PCDH11X: variants seen among roughly 807,000 people sequenced by gnomAD.
PCDH11X encodes protocadherin-11 X-linked.
A neutral mutation model predicts 53.3 loss-of-function variants in PCDH11X; 18 were observed. That is an observed-to-expected ratio of 0.34 (90% CI 0.23 to 0.50). The LOEUF (loss-of-function observed/expected upper bound fraction) is 0.50, where lower values mean the gene tolerates loss of function less well. PCDH11X is among the 20% of genes least tolerant of loss of function. The pLI is 0.98. For synonymous variants in PCDH11X, 279 were observed against 393.3 expected, an observed-to-expected ratio of 0.71 and a Z score of 3.44; for missense variants, 570 against 1,032.4, an observed-to-expected ratio of 0.55 and a Z score of 6.14.
chrX:92,148,062 CTTT>C (rs2065336057), intron 6 of PCDH11X, among the ~76,000 whole-genome samples: 29 of 7,946 alleles, frequency 3.6e-3, no homozygotes, highest in African/African-American at 0.013. Context: ...TCCTTCCTTT[CTTT>C]CTTTCTTTCT....
rs760573605 is a variant in PCDH11X, at chrX:92,288,041, A to G, written c.3144+24898A>G. On this transcript the variant is annotated intron_variant, in intron 8 of 10. Transcript: ENST00000682573. ...GGCTTCCCTAGAAGCATAAACCTGT[A>G]TAGCCTGCAAAACTGTGAGCTGAAT... The G allele has an allele frequency of 1.2e-5, 6 of 511,019 alleles. No individual in the cohort carries two copies. The African/African-American group carries it at 1.4e-4, about 12-fold the overall frequency. 42.1% of individuals were successfully genotyped at this position (511,019 alleles called of 1,213,427 possible).
intron 4 of PCDH11X, among the ~76,000 whole-genome samples, chrX:91,813,917 G>T (rs1936372832): frequency 9.5e-6 from 1 of 105,528 alleles, no homozygotes; most frequent in African/African-American, 3.4e-5. Context: ...AAATTATGAA[G>T]GTGCAATGTT....
chrX:92,414,828 T>C (rs955442979), intron 9 of PCDH11X, among the ~76,000 whole-genome samples: 7 of 111,837 alleles, frequency 6.3e-5, no homozygotes, highest in African/African-American at 2.3e-4. Flanking sequence ...TCTTGAGTCC[T>C]AGAATGCAAT....
rs751085023 is a variant in PCDH11X at position 91,805,890 on chromosome X, T to A, written c.-378-3576T>A. Among the ~76,000 whole-genome samples, 17 of 109,270 alleles carry A rather than the reference T, an allele frequency of 1.6e-4. 1 individual carries two copies. In the South Asian group the frequency reaches 6.2e-3, roughly 40 times the overall value. The allele number at this position is 109,270 out of a possible 115,157, so 94.9% of individuals were successfully genotyped here. A position where few individuals can be genotyped will look rare whatever the true frequency, so the allele number is the denominator to read the frequency against. ...CAAATAAATAGAATGCTTACCCACC[T>A]CAAATAAAAAGAAAATAATATTTGT... On this transcript the variant is annotated intron_variant, in intron 1 of 10. Coordinates refer to ENST00000682573, the MANE Select transcript of PCDH11X (RefSeq NM_032968.5).
At chrX:92,499,444 G>GAAAAA (rs67442304) in intron 10 of PCDH11X, among the ~76,000 whole-genome samples, 1 of 73,336 alleles carries the variant, frequency 1.4e-5, no homozygotes, top group African/African-American at 4.7e-5. Context: ...TCTGGAGTTT[G>GAAAAA]AAAAAAAAAA....
chrX:91,915,532 A>C (rs907301654), intron 6 of PCDH11X, among the ~76,000 whole-genome samples: 1 of 111,193 alleles, frequency 9.0e-6, no homozygotes, highest in African/African-American at 3.3e-5. Flanking sequence ...AGCAACTAGG[A>C]GTAGCTATTC....
At chrX:92,015,739 T>G (rs2062782074) in intron 6 of PCDH11X, among the ~76,000 whole-genome samples, 2 of 112,011 alleles carry the variant, frequency 1.8e-5, no homozygotes. Flanking sequence ...TTCAATGAAG[T>G]CTTGAACCCC....
chrX:92,180,794 C>A (rs544456496), intron 6 of PCDH11X, among the ~76,000 whole-genome samples: 1 of 111,585 alleles, frequency 9.0e-6, no homozygotes, highest in South Asian at 3.7e-4. Flanking sequence ...ACATGACTTG[C>A]TTCTTATGGC....
intron 6 of PCDH11X, among the ~76,000 whole-genome samples, chrX:92,150,875 C>A (rs753463336): frequency 9.1e-6 from 1 of 110,366 alleles, no homozygotes; most frequent in South Asian, 3.8e-4. Context: ...CCTTATATCA[C>A]CTAATCTCAC....
At chrX:92,457,949 C>T (rs1290782947) in intron 9 of PCDH11X, among the ~76,000 whole-genome samples, 1 of 108,793 alleles carries the variant, frequency 9.2e-6, no homozygotes, top group African/African-American at 3.3e-5. Flanking sequence ...ATTATATGAC[C>T]TATTTCTTAT....
At chrX:92,005,827 A>T (rs893330616) in intron 6 of PCDH11X, among the ~76,000 whole-genome samples, 2 of 111,789 alleles carry the variant, frequency 1.8e-5, no homozygotes, top group African/African-American at 3.3e-5. Context: ...TTTGTCTGAG[A>T]AAGTCTTCAT....
chrX:92,232,839 G>C lies in PCDH11X; in HGVS notation c.3115-30275G>C, dbSNP rs749552497. 1.2e-3 allele frequency among the ~76,000 whole-genome samples: 135 copies of C among 111,135 alleles called. 1 individual carries two copies. The highest frequency in any genetic ancestry group is 4.7e-3 in the Middle Eastern group (1 of 215). On this transcript the variant is annotated intron_variant, in intron 7 of 10. Transcript: ENST00000682573. ...CACGCCATTCTCCCGCCTCAGCATC[G>C]CGAGTAGCTGGGACTATAGGCGCCC...
intron 9 of PCDH11X, among the ~76,000 whole-genome samples, chrX:92,436,740 C>G (rs752160546): frequency 1.8e-5 from 2 of 110,693 alleles, no homozygotes; most frequent in South Asian, 7.7e-4. Flanking sequence ...ACAACATGTT[C>G]TCACGTATAA....
At chrX:91,875,407 T>C (rs1439461442) in intron 5 of PCDH11X, among the ~76,000 whole-genome samples, 3 of 105,998 alleles carry the variant, frequency 2.8e-5, no homozygotes, top group African/African-American at 6.9e-5. Context: ...CTCAGCCTCC[T>C]GAGCAGCTGG....
intron 10 of PCDH11X, among the ~76,000 whole-genome samples, chrX:92,536,899 G>T (rs148895331): frequency 9.0e-6 from 1 of 110,603 alleles, no homozygotes; most frequent in African/African-American, 3.3e-5. Context: ...ACTGGGGTAA[G>T]ATAATAACTC....
intron 9 of PCDH11X, among the ~76,000 whole-genome samples, chrX:92,447,949 TG>T (rs2072692858): frequency 9.1e-6 from 1 of 109,751 alleles, no homozygotes; most frequent in Non-Finnish European, 1.9e-5. Flanking sequence ...GAGATCATTT[TG>T]GGGCTTTAAG....
intron 8 of PCDH11X, among the ~76,000 whole-genome samples, chrX:92,286,727 A>C (rs1487612752): frequency 9.2e-5 from 8 of 87,355 alleles, no homozygotes; most frequent in Admixed American, 2.7e-4. Flanking sequence ...TGAAAGATGG[A>C]AAAAGAACAA....
intron 7 of PCDH11X, among the ~76,000 whole-genome samples, chrX:92,233,001 C>T (rs2067109054): frequency 8.9e-6 from 1 of 111,914 alleles, no homozygotes. Context: ...AGGCGTGAGC[C>T]ACCGCGCCCG....
chrX:91,934,349 G>C (rs1418778093), intron 6 of PCDH11X, among the ~76,000 whole-genome samples: 1 of 111,349 alleles, frequency 9.0e-6, no homozygotes, highest in African/African-American at 3.3e-5. Context: ...AAAGATGTCT[G>C]TCAACCCTTG....
Sources: gnomAD v4.1 joint callset for allele counts (sites outside exome capture counted in the v4.1 genomes callset) on GRCh38, gnomAD v4.1.1 for gene constraint, MANE v1.5 for transcripts, NCBI Gene and HGNC (gene_info 2026-07-23, HGNC 2026-07-21) for gene names.